Variants in FAM228B observed in about 807,000 individuals in gnomAD.
The protein encoded by FAM228B is protein FAM228B.
FAM228B carries 38 observed loss-of-function variants against 42.6 expected under a neutral mutation model. That is an observed-to-expected ratio of 0.89 (90% CI 0.69 to 1.17). The LOEUF is 1.17. FAM228B is among the 50% of genes most tolerant of loss of function. FAM228B has a pLI of 0.00. For missense variants in FAM228B, 344 were observed against 367.3 expected, an observed-to-expected ratio of 0.94 and a Z score of 0.52; for synonymous variants, 109 against 122.3, an observed-to-expected ratio of 0.89 and a Z score of 0.72.
chr2:24,114,462 C>A (rs10199985), intron 3 of FAM228B, among the ~76,000 whole-genome samples: 17,444 of 151,990 alleles, frequency 0.11, 1,209 homozygotes, highest in South Asian at 0.18. Flanking sequence ...GGCATTTTTG[C>A]AAAATTAAAG....
At chr2:24,102,679 A>T (rs1054710219) in intron 3 of FAM228B, among the ~76,000 whole-genome samples, 3 of 152,218 alleles carry the variant, frequency 2.0e-5, no homozygotes, top group Admixed American at 1.3e-4. Flanking sequence ...TGGAGGTTGC[A>T]GTGAGCTGAG....
At chr2:24,088,240 G>A (rs998896755) in intron 2 of FAM228B, among the ~76,000 whole-genome samples, 4 of 152,020 alleles carry the variant, frequency 2.6e-5, no homozygotes, top group Admixed American at 2.0e-4. Context: ...TCCACCATGG[G>A]AAGATGGTGT....
In FAM228B at chr2:24,084,073, C is replaced by T. The variant is rs890240641; in HGVS notation, c.-210+3118C>T. 1.3e-5 allele frequency: 18 copies of T among 1,424,304 alleles called. No individual in the cohort carries two copies. The African/African-American group carries it at 2.4e-4, about 19-fold the overall frequency. The allele number at this position is 1,424,304 out of a possible 1,614,324, so 88.2% of individuals were successfully genotyped here. A position where few individuals can be genotyped will look rare whatever the true frequency, so the allele number is the denominator to read the frequency against. On this transcript the variant is annotated intron_variant, in intron 2 of 10. Coordinates refer to the FAM228B transcript ENST00000613899. The surrounding 1 kb of genome is among the most constrained non-coding windows in gnomAD (Gnocchi z 8.4). ...TTAGGTCTGGGAAGCCCCAGCGCAG[C>T]TGCCTGCTGGGTGTGGAGCGGTGCA... is the stretch of plus-strand genomic sequence containing the variant.
Position 24,077,820 on chromosome 2 carries a change from A to C in FAM228B, c.-290+851A>C. On this transcript the variant is annotated intron_variant, in intron 1 of 10. Coordinates refer to the FAM228B transcript ENST00000613899. This position sits in a 1 kb window ranked among gnomAD's most constrained non-coding sequence, Gnocchi z 5.5. ...GAGAGAGCCTCACCCTGCCCTCCTC[A>C]TCCTCCTCAGCCTTCTTGCTCTCTC... is the stretch of plus-strand genomic sequence containing the variant. 6.4e-7 allele frequency: 1 copy of C among 1,554,088 alleles called. No individual in the cohort carries two copies. Among genetic ancestry groups the C allele is most frequent in the South Asian group, 1.2e-5 (1 of 82,640 alleles).
At chr2:24,122,432 G>C, upstream of FAM228B, 1 of 1,611,934 alleles carries the variant, frequency 6.2e-7, no homozygotes, top group Non-Finnish European at 8.5e-7. Context: ...GAAACCTGGT[G>C]ATGCTACACA....
At position 24,077,537 on chromosome 2, in the gene FAM228B, A is replaced by G. The variant is rs1664803345; in HGVS notation, c.-290+568A>G. On this transcript the variant is annotated intron_variant, in intron 1 of 10. Coordinates refer to the FAM228B transcript ENST00000613899. This position sits in a 1 kb window ranked among gnomAD's most constrained non-coding sequence, Gnocchi z 5.5. ...TGAATCTTCTCCAGGTTTGCTCTGG[A>G]AAGGCCTGGGGTGGCCGCGTCCTGT... 2.5e-6 allele frequency: 4 copies of G among 1,570,446 alleles called. No homozygotes were observed. Among genetic ancestry groups the G allele is most frequent in the East Asian group, 4.5e-5 (2 of 44,454 alleles).
At chr2:24,146,091 C>T (rs1666887751) in intron 5 of FAM228B, among the ~76,000 whole-genome samples, 1 of 152,130 alleles carries the variant, frequency 6.6e-6, no homozygotes, top group African/African-American at 2.4e-5. Context: ...AGTCTGATCA[C>T]CGTTTAACTC....
chr2:24,092,380 G>A (rs183471895), intron 2 of FAM228B, among the ~76,000 whole-genome samples: 1 of 152,134 alleles, frequency 6.6e-6, no homozygotes, highest in East Asian at 1.9e-4. Flanking sequence ...TTCTAGACCA[G>A]CCTGGCCAAC....
At chr2:24,094,974 T>C (rs1424866119) in intron 2 of FAM228B, among the ~76,000 whole-genome samples, 2 of 152,100 alleles carry the variant, frequency 1.3e-5, no homozygotes, top group Non-Finnish European at 2.9e-5. Flanking sequence ...CACACACTCA[T>C]AGTCCTAGCT....
At chr2:24,150,723 C>T (rs926523620) in intron 7 of FAM228B, among the ~76,000 whole-genome samples, 1 of 152,204 alleles carries the variant, frequency 6.6e-6, no homozygotes, top group Non-Finnish European at 1.5e-5. Context: ...CCATGTCTGG[C>T]CATGTCAGCA....
At chr2:24,168,864 A>G (rs6723962) in intron 10 of FAM228B, among the ~76,000 whole-genome samples, 130,679 of 152,126 alleles carry the variant, frequency 0.86, 57,617 homozygotes, top group Non-Finnish European at 0.95. Flanking sequence ...GTACATGGAT[A>G]TAGGTCAAAC....
chr2:24,117,067 G>C (rs887605225), intron 3 of FAM228B, among the ~76,000 whole-genome samples: 1 of 146,402 alleles, frequency 6.8e-6, no homozygotes, highest in Non-Finnish European at 1.5e-5. Context: ...CCAGGCTGGA[G>C]TGCAGTGGCA....
chr2:24,131,091 T>G (rs770282758), intron 2 of FAM228B, among the ~76,000 whole-genome samples: 1 of 152,322 alleles, frequency 6.6e-6, no homozygotes, highest in Non-Finnish European at 1.5e-5. Flanking sequence ...GGGAATCTTT[T>G]CCCCATTGCT....
intron 2 of FAM228B, among the ~76,000 whole-genome samples, chr2:24,082,677 C>A (rs1665056074): frequency 6.6e-6 from 1 of 152,104 alleles, no homozygotes; most frequent in Non-Finnish European, 1.5e-5. Flanking sequence ...GTACATAGGC[C>A]TCCTATCTAG....
chr2:24,091,208 C>T (rs569690591), intron 2 of FAM228B, among the ~76,000 whole-genome samples: 2 of 152,162 alleles, frequency 1.3e-5, no homozygotes, highest in African/African-American at 4.8e-5. Flanking sequence ...CTTTGGGAGG[C>T]GGATGACGAG....
In FAM228B at chr2:24,135,188, G is replaced by A; in HGVS notation, c.168+1G>A. 1.4e-6 allele frequency: 2 copies of A among 1,464,642 alleles called. No homozygotes were observed. The highest frequency in any genetic ancestry group is 5.0e-5 in the East Asian group (2 of 40,024). The allele number at this position is 1,464,642 out of a possible 1,614,324, so 90.7% of individuals were successfully genotyped here. A position where few individuals can be genotyped will look rare whatever the true frequency, so the allele number is the denominator to read the frequency against. On this transcript the variant is annotated splice_donor_variant, in intron 3 of 10. Transcript: ENST00000615575. LOFTEE classifies it high-confidence loss of function. ...ATACAAAGAAAATTCTGTAATTAAG[G>A]TAAGAATTGGCTACAAAATGCATCT...
chr2:24,077,720 C>T lies in FAM228B; in HGVS notation c.-290+751C>T. 1.9e-6 allele frequency: 3 copies of T among 1,613,978 alleles called. No individual in the cohort carries two copies. The highest frequency in any genetic ancestry group is 2.5e-6 in the Non-Finnish European group (3 of 1,179,934). On this transcript the variant is annotated intron_variant, in intron 1 of 10. Transcript: ENST00000613899. The surrounding 1 kb of genome is among the most constrained non-coding windows in gnomAD (Gnocchi z 5.5). ...GGGGGCCCTCCGTGGAGAAGTGAGG[C>T]AGAATTTGCTCCGTGAAAGCATTCA...
chr2:24,146,870 C>T, intron 6 of FAM228B, 35 bp downstream of exon 6: 1 of 1,538,624 alleles, frequency 6.5e-7, no homozygotes, highest in African/African-American at 1.4e-5. Flanking sequence ...GATTTCATAG[C>T]CCAAGAGCAA....
In FAM228B at chr2:24,124,390, T is replaced by C. The variant is rs773861532; in HGVS notation, c.29T>C (p.Val10Ala). MKNVDSDDLVTGTLPKLKSS... is the reference protein window; with the variant it reads MKNVDSDDLATGTLPKLKSS... ...AAAAATGTAGACAGTGATGATCTGG[T>C]AACTGGCACACTTCCCAAGCTCAAG... Residue 10 changes from valine to alanine, a missense_variant, in exon 2 of 11, where the codon GTA becomes GCA. Transcript: ENST00000615575. 1.9e-5 allele frequency: 30 copies of C among 1,551,202 alleles called. No homozygotes were observed. The highest frequency in any genetic ancestry group is 2.4e-5 in the Non-Finnish European group (28 of 1,146,850).
Sources: allele counts gnomAD v4.1 joint callset (sites outside exome capture counted in the v4.1 genomes callset), GRCh38; gene constraint gnomAD v4.1.1; non-coding constraint Gnocchi (gnomAD v3.1); transcripts MANE v1.5; gene names NCBI Gene and HGNC (gene_info 2026-07-23, HGNC 2026-07-21).